Variants in TANC2 observed in about 807,000 individuals in gnomAD.
TANC2 encodes the protein protein TANC2.
A neutral mutation model predicts 210.5 loss-of-function variants in TANC2; 26 were observed. The ratio of observed to expected loss-of-function variants is 0.12; its 90% CI spans 0.09 to 0.17. The LOEUF (loss-of-function observed/expected upper bound fraction) is 0.17. Among genes scored for constraint, TANC2 ranks in the 10% least tolerant of loss-of-function variants. TANC2 has a pLI of 1.00. For missense variants in TANC2, 2,129 were observed against 2,608.9 expected, an observed-to-expected ratio of 0.82 and a Z score of 4.01; for synonymous variants, 931 against 967.1, an observed-to-expected ratio of 0.96 and a Z score of 0.69.
At chr17:63,384,632 T>C (rs1314954903) in intron 15 of TANC2, among the ~76,000 whole-genome samples, 1 of 152,158 alleles carries the variant, frequency 6.6e-6, no homozygotes, top group African/African-American at 2.4e-5. Context: ...ATAACCCTTA[T>C]CCTAAAGTTA....
chr17:63,084,935 A>G (rs2036905524), intron 3 of TANC2, among the ~76,000 whole-genome samples: 3 of 152,242 alleles, frequency 2.0e-5, no homozygotes, highest in South Asian at 4.1e-4. Flanking sequence ...GCGCTTGAAA[A>G]GAATGTGTAT....
chr17:62,991,726 A>G (rs1004683679), intron 1 of TANC2, among the ~76,000 whole-genome samples: 2 of 152,150 alleles, frequency 1.3e-5, no homozygotes, highest in Admixed American at 6.5e-5. Flanking sequence ...TAACATATAC[A>G]TTGTATTATG....
Position 63,137,555 on chromosome 17 carries a change from CTGTT to C in TANC2, c.323-13709_323-13706del, listed in dbSNP as rs905044576. ...TTATAATGAAGATAGTTTATATAATCTGTTTGTTTCATGAAAGCCTCTCTGTGTT... is the reference window on the plus strand; with the variant it reads ...TTATAATGAAGATAGTTTATATAATCTGTTTCATGAAAGCCTCTCTGTGTT... On this transcript the variant is annotated intron_variant, in intron 4 of 27. Coordinates refer to ENST00000689528, the Ensembl canonical transcript of TANC2. Among the ~76,000 whole-genome samples, 43 of 152,212 alleles carry C rather than the reference CTGTT, an allele frequency of 2.8e-4. No homozygotes were observed. The Middle Eastern group carries it at 0.014, about 48-fold the overall frequency.
chr17:63,232,531 T>C (rs988125003), intron 7 of TANC2, among the ~76,000 whole-genome samples: 10 of 152,252 alleles, frequency 6.6e-5, no homozygotes, highest in African/African-American at 2.2e-4. Context: ...TGCAGTTTGC[T>C]GGGGGTCCAT....
exon 28 of TANC2, chr17:63,426,639 T>TGTTA (rs1490930019): frequency 1.3e-5 from 2 of 152,190 alleles, no homozygotes; most frequent in African/African-American, 4.8e-5. Context: ...AAAAATCAAG[T>TGTTA]GTTACTTTCA....
At chr17:63,118,060 T>G (rs2038320005) in intron 4 of TANC2, among the ~76,000 whole-genome samples, 1 of 152,236 alleles carries the variant, frequency 6.6e-6, no homozygotes, top group Non-Finnish European at 1.5e-5. Flanking sequence ...GAAGGTTAGA[T>G]TGTCTCTCCT....
intron 7 of TANC2, among the ~76,000 whole-genome samples, chr17:63,227,579 T>G (rs2042361555): frequency 3.3e-5 from 5 of 152,250 alleles, no homozygotes; most frequent in African/African-American, 1.2e-4. Context: ...TGATGATAGT[T>G]TCTTTCGCTG....
At chr17:63,245,855 A>T (rs1226151723) in intron 8 of TANC2, among the ~76,000 whole-genome samples, 1 of 151,336 alleles carries the variant, frequency 6.6e-6, no homozygotes, top group Non-Finnish European at 1.5e-5. Context: ...AAAAAAAAAA[A>T]AAAAATTACC....
At position 63,310,545 on chromosome 17, in the gene TANC2, AG is replaced by A. The variant is rs548039093; in HGVS notation, c.1160-3842del. On this transcript the variant is annotated intron_variant, in intron 9 of 27. Coordinates refer to ENST00000689528, the Ensembl canonical transcript of TANC2. ...GCAAAAAGTAACTATGAAAGGCAAA[AG>A]ATTAATGTCCTCAGGGTTAAAAATG... is the stretch of plus-strand genomic sequence containing the variant. 9.8e-5 allele frequency among the ~76,000 whole-genome samples: 15 copies of A among 152,366 alleles called. No individual in the cohort carries two copies. The South Asian group carries it at 3.1e-3, about 32-fold the overall frequency.
At chr17:63,097,976 A>G (rs2037452363) in intron 3 of TANC2, among the ~76,000 whole-genome samples, 1 of 152,164 alleles carries the variant, frequency 6.6e-6, no homozygotes, top group East Asian at 1.9e-4. Context: ...TTAATTTCAT[A>G]ATTTCATTCC....
At chr17:63,156,717 TTC>T (rs1055483727) in intron 5 of TANC2, among the ~76,000 whole-genome samples, 3 of 152,182 alleles carry the variant, frequency 2.0e-5, no homozygotes, top group Non-Finnish European at 2.9e-5. Flanking sequence ...TCTTTTTTTT[TTC>T]TCTCTCTCTC....
intron 14 of TANC2, among the ~76,000 whole-genome samples, chr17:63,375,191 A>G (rs2047387593): frequency 6.6e-6 from 1 of 152,184 alleles, no homozygotes; most frequent in Non-Finnish European, 1.5e-5. Flanking sequence ...CCTACATACC[A>G]CAAACTTTGA....
intron 7 of TANC2, among the ~76,000 whole-genome samples, chr17:63,221,059 T>C (rs1437840820): frequency 6.6e-6 from 1 of 151,948 alleles, no homozygotes; most frequent in African/African-American, 2.4e-5. Context: ...ATTTTTAAAA[T>C]TGAACACAAT....
intron 7 of TANC2, among the ~76,000 whole-genome samples, chr17:63,219,945 C>T (rs760879995): frequency 2.6e-5 from 4 of 152,046 alleles, no homozygotes; most frequent in Non-Finnish European, 4.4e-5. Flanking sequence ...TATAAAACTG[C>T]AGAATTCAAA....
chr17:63,076,083 G>A (rs1056601503), intron 3 of TANC2, among the ~76,000 whole-genome samples: 1 of 152,156 alleles, frequency 6.6e-6, no homozygotes, highest in Non-Finnish European at 1.5e-5. Flanking sequence ...GAATGGCAGT[G>A]TGTGGAAATG....
At chr17:62,979,223 T>C (rs2032179841) in intron 1 of TANC2, among the ~76,000 whole-genome samples, 1 of 152,206 alleles carries the variant, frequency 6.6e-6, no homozygotes, top group South Asian at 2.1e-4. Context: ...GTATACTTTA[T>C]CCCTTTTATA....
chr17:63,150,905 A>G (rs1232883865), intron 4 of TANC2: 1 of 152,222 alleles, frequency 6.6e-6, no homozygotes, highest in East Asian at 1.9e-4. Context: ...TCTTTGCTTT[A>G]TAAAGAGAGA....
chr17:63,179,360 CTG>C (rs1260392609), intron 5 of TANC2, among the ~76,000 whole-genome samples: 1 of 152,176 alleles, frequency 6.6e-6, no homozygotes, highest in Admixed American at 6.5e-5. Flanking sequence ...AATATTGTCT[CTG>C]TTACTTAACT....
chr17:63,415,812 T>A, intron 26 of TANC2, 138 bp downstream of exon 26: 1 of 1,007,454 alleles, frequency 9.9e-7, no homozygotes, highest in East Asian at 2.5e-5. Context: ...GCACTGACAT[T>A]TGCAATTTGA....
Sources: allele counts gnomAD v4.1 joint callset (sites outside exome capture counted in the v4.1 genomes callset), GRCh38; gene constraint gnomAD v4.1.1; transcripts MANE v1.5; gene names NCBI Gene and HGNC (gene_info 2026-07-23, HGNC 2026-07-21).